Variants in LRRC37A2 observed in about 807,000 individuals in gnomAD.
The protein encoded by LRRC37A2 is leucine-rich repeat-containing protein 37A2.
A neutral mutation model predicts 68.8 loss-of-function variants in LRRC37A2; 9 were observed. The observed-to-expected ratio is 0.13, with a 90% confidence interval of 0.08 to 0.23. The LOEUF is 0.23. Ranked by LOEUF, LRRC37A2 falls within the 10% of genes least tolerant of loss-of-function variation. The probability of loss-of-function intolerance (pLI) is 1.00; values close to 1 mark genes in which losing one functional copy is unlikely to be tolerated. For missense variants in LRRC37A2, 168 were observed against 950.4 expected (o/e 0.18, Z 10.82); for synonymous variants, 63 against 367.6 (o/e 0.17, Z 9.48).
At chr17:46,981,304 A>C in the LRRC37A2 span, among the ~76,000 whole-genome samples, 1 of 151,874 alleles carries the variant, frequency 6.6e-6, no homozygotes, top group African/African-American at 2.4e-5. Context: ...CCCAATGTGG[A>C]GGTGTTGGGA....
At chr17:46,762,779 C>T in the LRRC37A2 span, 1 of 152,112 alleles carries the variant, frequency 6.6e-6, no homozygotes, top group Admixed American at 6.6e-5. Context: ...CGGCGAGAAT[C>T]ATTACAATGC....
the LRRC37A2 span, among the ~76,000 whole-genome samples, chr17:46,834,357 G>T: frequency 2.0e-5 from 3 of 152,128 alleles, no homozygotes; most frequent in Non-Finnish European, 2.9e-5. Context: ...GAGGCCTTCT[G>T]GGTTCTGCCT....
chr17:46,768,922 A>T, the LRRC37A2 span: 2 of 1,437,640 alleles, frequency 1.4e-6, no homozygotes, highest in South Asian at 2.7e-5. This position sits in a 1 kb window ranked among gnomAD's most constrained non-coding sequence, Gnocchi z 5.0. Flanking sequence ...TGTGACAGGA[A>T]GAGAACTGAT....
chr17:46,980,381 T>G, the LRRC37A2 span, among the ~76,000 whole-genome samples: 35 of 146,190 alleles, frequency 2.4e-4, no homozygotes, highest in African/African-American at 9.1e-4. Context: ...CTTCTTTCTC[T>G]TCTTTCTTTC....
chr17:46,496,508 C>G, the LRRC37A2 span, among the ~76,000 whole-genome samples: 65,725 of 135,158 alleles, frequency 0.49, 16,852 homozygotes, highest in South Asian at 0.68. Flanking sequence ...AAGGTTAAGT[C>G]AAGATAATCA....
chr17:46,824,991 C>G, the LRRC37A2 span, among the ~76,000 whole-genome samples: 1 of 152,224 alleles, frequency 6.6e-6, no homozygotes, highest in Non-Finnish European at 1.5e-5. Flanking sequence ...GGTGGCCCCT[C>G]GTGCTGCCTC....
At chr17:46,951,591 T>A in the LRRC37A2 span, among the ~76,000 whole-genome samples, 2 of 152,154 alleles carry the variant, frequency 1.3e-5, no homozygotes, top group African/African-American at 2.4e-5. Context: ...GGACTTTCTT[T>A]TGCCCCCATG....
the LRRC37A2 span, among the ~76,000 whole-genome samples, chr17:46,739,932 T>C: frequency 6.6e-6 from 1 of 152,178 alleles, no homozygotes; most frequent in Non-Finnish European, 1.5e-5. Flanking sequence ...ACTCCTGGCC[T>C]CAAGTGATCC....
chr17:46,773,887 A>G, the LRRC37A2 span: 3 of 1,612,072 alleles, frequency 1.9e-6, no homozygotes, highest in African/African-American at 2.7e-5. Flanking sequence ...AGAGATGTGT[A>G]CTGCTGGCCC....
chr17:46,875,803 G>C, the LRRC37A2 span, among the ~76,000 whole-genome samples: 9 of 152,214 alleles, frequency 5.9e-5, no homozygotes, highest in Admixed American at 2.6e-4. Flanking sequence ...AGAAGGGAAG[G>C]GGCTGAGGTT....
chr17:46,931,182 C>T, the LRRC37A2 span: 1 of 1,596,014 alleles, frequency 6.3e-7, no homozygotes, highest in South Asian at 1.1e-5. Flanking sequence ...CAAGGAGCCC[C>T]CTAACAAAAG....
the LRRC37A2 span, chr17:46,830,527 T>C: frequency 7.6e-6 from 3 of 396,252 alleles, no homozygotes; most frequent in Non-Finnish European, 1.3e-5. Flanking sequence ...ATTACAGGCA[T>C]GAGCCACCAC....
the LRRC37A2 span, among the ~76,000 whole-genome samples, chr17:46,962,286 G>A: frequency 1.3e-5 from 2 of 150,184 alleles, no homozygotes; most frequent in African/African-American, 4.9e-5. Flanking sequence ...CCGAGATTGC[G>A]CCACTGCACT....
chr17:46,874,962 C>G, the LRRC37A2 span: 2 of 1,354,228 alleles, frequency 1.5e-6, no homozygotes, highest in South Asian at 2.3e-5. Flanking sequence ...TGTCCTCAAG[C>G]CACATTCTCT....
Position 46,555,413 on chromosome 17 carries a change from C to CAGGG in LRRC37A2, c.5045_5048dup (p.Asp1683GlufsTer16). 6.8e-7 allele frequency: 1 copy of CAGGG among 1,476,282 alleles called. No homozygotes were observed. Among genetic ancestry groups the CAGGG allele is most frequent in the East Asian group, 2.6e-5 (1 of 38,432 alleles). 91.4% of individuals were successfully genotyped at this position (1,476,282 alleles called of 1,614,324 possible). ...CATCTAATGAGGACAAGATCCTCAA[C>CAGGG]AGGGACCCTGGGTAAATGATGGGGC... On this transcript the variant is annotated frameshift_variant, in exon 14 of 15. Transcript: ENST00000576629. LOFTEE classifies it high-confidence loss of function.
the LRRC37A2 span, among the ~76,000 whole-genome samples, chr17:47,012,725 A>G: frequency 6.6e-6 from 1 of 152,246 alleles, no homozygotes; most frequent in Admixed American, 6.5e-5. Context: ...GACAGACAAT[A>G]ACAAATATTG....
the LRRC37A2 span, among the ~76,000 whole-genome samples, chr17:46,959,968 A>G: frequency 0.94 from 143,028 of 152,276 alleles, 67,831 homozygotes; most frequent in East Asian, 1. Flanking sequence ...AGTGGCCACA[A>G]TAGTCCAGAT....
the LRRC37A2 span, among the ~76,000 whole-genome samples, chr17:46,490,150 G>T: frequency 6.6e-6 from 1 of 151,200 alleles, no homozygotes; most frequent in Non-Finnish European, 1.5e-5. Context: ...TGTTCTTAGG[G>T]CACCAATTAG....
the LRRC37A2 span, among the ~76,000 whole-genome samples, chr17:46,742,673 G>T: frequency 6.6e-6 from 1 of 152,168 alleles, no homozygotes; most frequent in Admixed American, 6.5e-5. Context: ...GGAAAGGCCT[G>T]TGTGGCTATG....
Sources: gnomAD v4.1 joint callset for allele counts (sites outside exome capture counted in the v4.1 genomes callset) on GRCh38, gnomAD v4.1.1 for gene constraint, Gnocchi (gnomAD v3.1) non-coding constraint, MANE v1.5 for transcripts, NCBI Gene and HGNC (gene_info 2026-07-23, HGNC 2026-07-21) for gene names.